Variants in PROSER1 observed in about 807,000 individuals in gnomAD.
PROSER1 encodes the protein proline and serine-rich protein 1.
A neutral mutation model predicts 71.8 loss-of-function variants in PROSER1; 36 were observed. The observed-to-expected ratio is 0.50, with a 90% CI of 0.38 to 0.66. The LOEUF (loss-of-function observed/expected upper bound fraction) is 0.66, where lower values mean the gene tolerates loss of function less well. PROSER1 is among the 30% of genes least tolerant of loss of function. PROSER1 has a pLI of 0.00. For missense variants in PROSER1, 1,107 were observed against 1,135.0 expected, an observed-to-expected ratio of 0.98 and a Z score of 0.35; for synonymous variants, 490 against 452.4, an observed-to-expected ratio of 1.08 and a Z score of -1.06.
At chr13:39,023,277 A>G (rs1409700900) in intron 7 of PROSER1, 147 bp from the exon 8 acceptor site, 1 of 578,710 alleles carries the variant, frequency 1.7e-6, no homozygotes, top group African/African-American at 1.9e-5. Context: ...CAAATGAGGG[A>G]AATTTCTTTG....
At chr13:39,022,863 T>A in intron 8 of PROSER1, 189 bp downstream of exon 8, 1 of 479,006 alleles carries the variant, frequency 2.1e-6, no homozygotes, top group Non-Finnish European at 3.7e-6. Flanking sequence ...AAAGAAAATA[T>A]CCTAAATAAA....
At chr13:39,021,705 T>C (rs1329580212) in intron 9 of PROSER1, among the ~76,000 whole-genome samples, 1 of 152,184 alleles carries the variant, frequency 6.6e-6, no homozygotes, top group Non-Finnish European at 1.5e-5. Context: ...CTTCCTTAAC[T>C]TAATTCAATT....
At position 39,010,084 on chromosome 13, in the gene PROSER1, ATAAT is replaced by A. The variant is rs1240064915; in HGVS notation, c.*1277_*1280del. ...AACTAAATTTGGATAAAAATGTTCAATAATTAACTCTAGCACGTATACAAAATTA... is the reference window on the plus strand; with the variant it reads ...AACTAAATTTGGATAAAAATGTTCAATAACTCTAGCACGTATACAAAATTA... On this transcript the variant is annotated 3_prime_UTR_variant, in exon 13 of 13. Transcript: ENST00000352251. The A allele has an allele frequency of 2.6e-5, 4 of 152,648 alleles. No homozygotes were observed. The highest frequency in any genetic ancestry group is 7.2e-5 in the African/African-American group (3 of 41,470). 9.5% of individuals were successfully genotyped at this position (152,648 alleles called of 1,614,324 possible).
intron 3 of PROSER1, among the ~76,000 whole-genome samples, chr13:39,029,811 T>C (rs1870747211): frequency 6.6e-6 from 1 of 150,820 alleles, no homozygotes; most frequent in Admixed American, 6.7e-5. Flanking sequence ...GTTAAACATA[T>C]TACAAAAAAA....
Position 39,029,274 on chromosome 13 carries a change from T to TAAAA in PROSER1, c.275+6_275+7insTTTT. 1.5e-5 allele frequency: 15 copies of TAAAA among 1,026,960 alleles called. No homozygotes were observed. The highest frequency in any genetic ancestry group is 2.1e-5 in the African/African-American group (1 of 47,370). 63.6% of individuals were successfully genotyped at this position (1,026,960 alleles called of 1,614,324 possible). ...AAAAAAAAAAAAAAAAAAAAAGAAA[T>TAAAA]ACTTACGAGGCTAACAGTTCAAGAG... is the stretch of plus-strand genomic sequence containing the variant. On this transcript the variant is annotated splice_region_variant and intron_variant, in intron 4 of 12. Transcript: ENST00000352251.
chr13:39,022,329 T>C lies in PROSER1; in HGVS notation c.727A>G (p.Thr243Ala), dbSNP rs1870330608. 4.4e-6 allele frequency: 7 copies of C among 1,597,482 alleles called. No homozygotes were observed. In the East Asian group the frequency reaches 1.3e-4, roughly 31 times the overall value. ...PPPYTPNPVG[T>A]ENEDLSNPSK... ...ACACCCCCAAATAACATTTTACCTG[T>C]TCCTACAGGATTAGGAGTATATGGA... Residue 243 changes from threonine (T) to alanine (A), a missense_variant, in exon 9 of 13, where the codon ACA becomes GCA. Physicochemically the swap from Thr to Ala is moderately conservative, Grantham distance 58. Coordinates refer to ENST00000352251, the MANE Select transcript of PROSER1 (RefSeq NM_025138.5).
chr13:39,037,262 T>C lies in PROSER1; in HGVS notation c.-20A>G, dbSNP rs764862532. ...ATCCATCTTGACTACTATCCCGACGTGGTTTTAACAGTTATACTTGCAATT... is the reference window on the plus strand; with the variant it reads ...ATCCATCTTGACTACTATCCCGACGCGGTTTTAACAGTTATACTTGCAATT... On this transcript the variant is annotated 5_prime_UTR_variant, in exon 1 of 13. Coordinates refer to ENST00000352251, the MANE Select transcript of PROSER1 (RefSeq NM_025138.5). 1 of 1,598,422 alleles carries C rather than the reference T, an allele frequency of 6.3e-7. No individual in the cohort carries two copies. The highest frequency in any genetic ancestry group is 8.6e-7 in the Non-Finnish European group (1 of 1,165,690).
At chr13:39,029,442 G>C in intron 3 of PROSER1, 67 bp from the exon 4 acceptor site, 1 of 844,136 alleles carries the variant, frequency 1.2e-6, no homozygotes, top group South Asian at 2.1e-5. Flanking sequence ...CCTTTTTCTG[G>C]AAGTACAGTT....
At chr13:39,034,217 C>A in intron 1 of PROSER1, 21 bp from the exon 2 acceptor site, 2 of 1,543,160 alleles carry the variant, frequency 1.3e-6, no homozygotes, top group Non-Finnish European at 1.8e-6. Context: ...AAAACACACA[C>A]ACACAGAGTA....
chr13:39,020,054 T>A lies in PROSER1; in HGVS notation c.730+2272A>T, dbSNP rs960101197. Among the ~76,000 whole-genome samples, 9 of 149,176 alleles carry A rather than the reference T, an allele frequency of 6.0e-5. No individual in the cohort carries two copies. The South Asian group carries it at 1.3e-3, about 21-fold the overall frequency. ...ATAACTCAGCTGATATTATTTTATA[T>A]CTATCTAGAAAACTCAAGAGACTTA... On this transcript the variant is annotated intron_variant, in intron 9 of 12. Coordinates refer to ENST00000352251, the MANE Select transcript of PROSER1 (RefSeq NM_025138.5).
rs1871233724 is a variant in PROSER1 at position 39,037,942 on chromosome 13, G to A, written c.-700C>T. The A allele has an allele frequency of 1.3e-5, 2 of 152,738 alleles. No individual in the cohort carries two copies. The highest frequency in any genetic ancestry group is 2.9e-5 in the Non-Finnish European group (2 of 68,508). 9.5% of individuals were successfully genotyped at this position (152,738 alleles called of 1,614,324 possible). ...GAAGAGGGGCACGGCCTCGCATAGG[G>A]GGACTCCGGAAAAACGCAGCCCCAA... On this transcript the variant is annotated 5_prime_UTR_variant, in exon 1 of 13. Transcript: ENST00000352251.
intron 10 of PROSER1, 50 bp downstream of exon 10, chr13:39,017,450 A>G (rs111745692): frequency 2.6e-6 from 3 of 1,134,224 alleles, no homozygotes; most frequent in Non-Finnish European, 2.6e-6. Flanking sequence ...TGAATAACAG[A>G]GCAAACCATG....
rs1390121034 is a variant in PROSER1, at chr13:39,013,724, A to C, written c.1528T>G (p.Ser510Ala). Residue 510 changes from serine (S) to alanine (A), a missense_variant, in exon 11 of 13, where the codon TCT (serine) becomes GCT (alanine). Transcript: ENST00000352251. ...CACTTGTTAGGGGCTGAAGCAGAAG[A>C]GTCAGAGTTCTGAAGAGTAAGAGAA... is the stretch of plus-strand genomic sequence containing the variant. ...LSSLTLQNSD[S>A]SASAPNKCYA... 6.2e-7 allele frequency: 1 copy of C among 1,614,096 alleles called. No homozygotes were observed. Among genetic ancestry groups the C allele is most frequent in the East Asian group, 2.2e-5 (1 of 44,894 alleles).
At chr13:39,033,204 G>C (rs894751927) in intron 2 of PROSER1, among the ~76,000 whole-genome samples, 1 of 152,230 alleles carries the variant, frequency 6.6e-6, no homozygotes, top group African/African-American at 2.4e-5. Flanking sequence ...ACAGGTGTGA[G>C]CCACTGCACC....
At chr13:39,034,107 G>C in intron 2 of PROSER1, 24 bp downstream of exon 2, 1 of 1,504,382 alleles carries the variant, frequency 6.6e-7, no homozygotes, top group Non-Finnish European at 8.9e-7. Flanking sequence ...AGAAAGCTTT[G>C]TTTAAACAAA....
In PROSER1 at chr13:39,010,104, T is replaced by C. The variant is rs868788043; in HGVS notation, c.*1261A>G. ...GTTCAATAATTAACTCTAGCACGTA[T>C]ACAAAATTAGAAAGCCTATCCAAGC... On this transcript the variant is annotated 3_prime_UTR_variant, in exon 13 of 13. Transcript: ENST00000352251. The C allele has an allele frequency of 6.6e-6, 1 of 152,586 alleles. No individual in the cohort carries two copies. Among genetic ancestry groups the C allele is most frequent in the African/African-American group, 2.4e-5 (1 of 41,440 alleles). 9.5% of individuals were successfully genotyped at this position (152,586 alleles called of 1,614,324 possible).
chr13:39,032,328 C>T lies in PROSER1; in HGVS notation c.112-697G>A, dbSNP rs537451427. Reference sequence around the variant, plus strand: ...TGCAGCTCAGATTAGCTCCCACCACCACCTAAGAACTTCAAACAAATGAGG... The same window carrying T: ...TGCAGCTCAGATTAGCTCCCACCACTACCTAAGAACTTCAAACAAATGAGG... On this transcript the variant is annotated intron_variant, in intron 2 of 12. Coordinates refer to ENST00000352251, the MANE Select transcript of PROSER1 (RefSeq NM_025138.5). Among the ~76,000 whole-genome samples, 8 of 152,242 alleles carry T rather than the reference C, an allele frequency of 5.3e-5. No individual in the cohort carries two copies. In the East Asian group the frequency reaches 1.5e-3, roughly 29 times the overall value.
chr13:39,035,397 C>A (rs1871049910), intron 1 of PROSER1, among the ~76,000 whole-genome samples: 1 of 152,144 alleles, frequency 6.6e-6, no homozygotes, highest in Non-Finnish European at 1.5e-5. Flanking sequence ...GCCCCCAGCC[C>A]CCAACTTACC....
chr13:39,019,487 G>C (rs1011748118), intron 9 of PROSER1, among the ~76,000 whole-genome samples: 1 of 126,230 alleles, frequency 7.9e-6, no homozygotes. Flanking sequence ...CTGCACTTTA[G>C]CCTGGGCAAC....
Sources: allele counts gnomAD v4.1 joint callset (sites outside exome capture counted in the v4.1 genomes callset), GRCh38; gene constraint gnomAD v4.1.1; transcripts MANE v1.5; gene names NCBI Gene and HGNC (gene_info 2026-07-23, HGNC 2026-07-21).